The following ABCA3 variants were observed in gnomAD, a reference collection of about 807,000 sequenced individuals.
ABCA3 encodes ATP binding cassette subfamily A member 3.
Under a neutral mutation model 172.8 loss-of-function variants are expected in ABCA3, and 88 were observed. The ratio of observed to expected loss-of-function variants is 0.51; its 90% CI spans 0.43 to 0.61. ABCA3 has a LOEUF of 0.61. Ranked by LOEUF, ABCA3 falls within the 20% of genes least tolerant of loss-of-function variation. The pLI is 0.00. For missense variants in ABCA3, 2,164 were observed against 2,301.0 expected, an observed-to-expected ratio of 0.94 and a Z score of 1.22; for synonymous variants, 1,066 against 983.8, an observed-to-expected ratio of 1.08 and a Z score of -1.56.
rs1160568622 is a variant in ABCA3 at position 2,287,647 on chromosome 16, A to G, written c.3004+379T>C. Among the ~76,000 whole-genome samples the G allele has an allele frequency of 1.3e-5, 2 of 152,248 alleles. No individual in the cohort carries two copies. Among genetic ancestry groups the G allele is most frequent in the Non-Finnish European group, 2.9e-5 (2 of 68,038 alleles). The stretch of plus-strand genomic sequence containing the variant: ...ACGAAGGCACACTGTGGCCAGCATC[A>G]TCACAAAGCAAAGGTAACTTGAAGT... On this transcript the variant is annotated intron_variant, in intron 21 of 32. Coordinates refer to ENST00000301732, the MANE Select transcript of ABCA3 (RefSeq NM_001089.3). The surrounding 1 kb of genome is among the most constrained non-coding windows in gnomAD (Gnocchi z 4.1).
Position 2,295,580 on chromosome 16 carries a change from G to C in ABCA3, c.2414+10C>G. On this transcript the variant is annotated intron_variant, in intron 18 of 32. Transcript: ENST00000301732. ...TGTATACCTGTGCGTGCCCTCCCTGGGAGGCGTACCTGTGCGTGCTCTCTC... is the reference window on the plus strand; with the variant it reads ...TGTATACCTGTGCGTGCCCTCCCTGCGAGGCGTACCTGTGCGTGCTCTCTC... 6.2e-7 allele frequency: 1 copy of C among 1,611,866 alleles called. No homozygotes were observed. Among genetic ancestry groups the C allele is most frequent in the Non-Finnish European group, 8.5e-7 (1 of 1,179,994 alleles).
At chr16:2,293,799 C>T (rs1031113196) in intron 18 of ABCA3, among the ~76,000 whole-genome samples, 4 of 150,920 alleles carry the variant, frequency 2.7e-5, no homozygotes, top group African/African-American at 9.7e-5. Context: ...CTTCGGCCTC[C>T]AAGTGCTGGG....
chr16:2,323,233 G>T lies in ABCA3; in HGVS notation c.613+290C>A, dbSNP rs550080662. 2.0e-4 allele frequency: 103 copies of T among 506,104 alleles called. 1 individual carries two copies. The East Asian group carries it at 3.7e-3, about 18-fold the overall frequency. 31.4% of individuals were successfully genotyped at this position (506,104 alleles called of 1,614,324 possible). On this transcript the variant is annotated intron_variant, in intron 7 of 32. Coordinates refer to ENST00000301732, the MANE Select transcript of ABCA3 (RefSeq NM_001089.3). Reference sequence around the variant, plus strand: ...GACTGTAAACTAGTTCAACCATTGTGGAAGTCAGTGTGGCGATTCCTCAGG... The same window carrying T: ...GACTGTAAACTAGTTCAACCATTGTTGAAGTCAGTGTGGCGATTCCTCAGG...
chr16:2,339,713 T>C (rs991634240), intron 1 of ABCA3, among the ~76,000 whole-genome samples: 1 of 152,226 alleles, frequency 6.6e-6, no homozygotes, highest in African/African-American at 2.4e-5. Context: ...AATCGACGCC[T>C]TCCCGGAGTG....
chr16:2,313,422 C>G (rs943708095), intron 10 of ABCA3, among the ~76,000 whole-genome samples: 1 of 151,630 alleles, frequency 6.6e-6, no homozygotes, highest in Admixed American at 6.6e-5. Context: ...GGCATGCTGG[C>G]TTGCACCTGT....
At position 2,323,565 on chromosome 16, in the gene ABCA3, G is replaced by A. The variant is rs1383040644; in HGVS notation, c.571C>T (p.Pro191Ser). The A allele has an allele frequency of 6.2e-7, 1 of 1,614,160 alleles. No individual in the cohort carries two copies. The highest frequency in any genetic ancestry group is 1.7e-5 in the Admixed American group (1 of 60,020). ...GGGGATGTAGGTTCCCTTGGTCCTG[G>A]GTTTGGGAAAAGCGGGAAAAGGGAA... Reference protein sequence around the residue: ...TTSLFPLFPNPGPREPTSPDG... With the variant: ...TTSLFPLFPNSGPREPTSPDG... Residue 191 changes from proline to serine, a missense_variant, in exon 7 of 33, where the codon CCA becomes TCA. By Grantham distance (74) the Pro-to-Ser change is moderately conservative. This residue lies in a region of ABCA3 where 1,343 missense variants were observed against 1,369.6 expected (regional missense o/e 0.98). Transcript: ENST00000301732.
chr16:2,309,071 G>C lies in ABCA3; in HGVS notation c.1112-448C>G, dbSNP rs186736328. On this transcript the variant is annotated intron_variant, in intron 10 of 32. Coordinates refer to ENST00000301732, the MANE Select transcript of ABCA3 (RefSeq NM_001089.3). ...CGCCATTCTCCTACCTCAGCCTCCT[G>C]AGTAGCTGGGACTACAGGTGCCCGC... Among the ~76,000 whole-genome samples, 502 of 152,174 alleles carry C rather than the reference G, an allele frequency of 3.3e-3. 5 individuals carry two copies. Among genetic ancestry groups the C allele is most frequent in the Non-Finnish European group, 1.5e-3 (102 of 68,010 alleles).
Position 2,323,691 on chromosome 16 carries a change from G to A in ABCA3, c.448-3C>T. On this transcript the variant is annotated splice_region_variant and splice_polypyrimidine_tract_variant and intron_variant, in intron 6 of 32. Transcript: ENST00000301732. The stretch of plus-strand genomic sequence containing the variant: ...CTGAACCGTAGGTGATATTTCACCT[G>A]TGGAAACAAAGAGAAAACCAGCTGT... 1 of 1,614,126 alleles carries A rather than the reference G, an allele frequency of 6.2e-7. No individual in the cohort carries two copies. Among genetic ancestry groups the A allele is most frequent in the South Asian group, 1.1e-5 (1 of 91,072 alleles).
In ABCA3 at chr16:2,277,863, C is replaced by T. The variant is rs62040665; in HGVS notation, c.4909+16G>A. 9 of 1,607,558 alleles carry T rather than the reference C, an allele frequency of 5.6e-6. No individual in the cohort carries two copies. The highest frequency in any genetic ancestry group is 2.2e-5 in the South Asian group (2 of 90,890). Reference sequence around the variant, plus strand: ...CCAGGGCCCACCCAGTGGGGGCTGCCGGGGCCGGCACACACCTGGAAAGGT... The same window carrying T: ...CCAGGGCCCACCCAGTGGGGGCTGCTGGGGCCGGCACACACCTGGAAAGGT... On this transcript the variant is annotated intron_variant, in intron 31 of 32. Transcript: ENST00000301732. The surrounding 1 kb of genome is among the most constrained non-coding windows in gnomAD (Gnocchi z 5.3).
In ABCA3 at chr16:2,283,154, C is replaced by A; in HGVS notation, c.4035+32G>T. On this transcript the variant is annotated intron_variant, in intron 26 of 32. Coordinates refer to ENST00000301732, the MANE Select transcript of ABCA3 (RefSeq NM_001089.3). The surrounding 1 kb of genome is among the most constrained non-coding windows in gnomAD (Gnocchi z 5.4). ...CCAAGCAGAGACGTGGGGAGCATCT[C>A]GCCAGTGTCCTGGGCTCCCGGAGCC... The A allele has an allele frequency of 6.2e-7, 1 of 1,606,560 alleles. No individual in the cohort carries two copies. The highest frequency in any genetic ancestry group is 8.5e-7 in the Non-Finnish European group (1 of 1,176,694).
rs371848256 is a variant in ABCA3 at position 2,291,620 on chromosome 16, C to T, written c.2513+520G>A. Reference sequence around the variant, plus strand: ...ACCCCAAGGCAGTGCAGGCCCCTCACGTGTGCCGCCGTTTCCCACGCACAC... The same window carrying T: ...ACCCCAAGGCAGTGCAGGCCCCTCATGTGTGCCGCCGTTTCCCACGCACAC... On this transcript the variant is annotated intron_variant, in intron 19 of 32. Transcript: ENST00000301732. Among the ~76,000 whole-genome samples, 135 of 152,332 alleles carry T rather than the reference C, an allele frequency of 8.9e-4. 1 individual carries two copies. Among genetic ancestry groups the T allele is most frequent in the African/African-American group, 3.1e-3 (129 of 41,576 alleles).
At chr16:2,288,950 G>C (rs1040467274) in intron 20 of ABCA3, 2 of 191,574 alleles carry the variant, frequency 1.0e-5, no homozygotes, top group Non-Finnish European at 2.2e-5. Flanking sequence ...GAAACAGATG[G>C]CCGAGCCTCC....
In ABCA3 at chr16:2,297,562, G is replaced by T. The variant is rs112851043; in HGVS notation, c.2053-23C>A. 1 of 1,610,340 alleles carries T rather than the reference G, an allele frequency of 6.2e-7. No homozygotes were observed. Among genetic ancestry groups the T allele is most frequent in the South Asian group, 1.1e-5 (1 of 90,992 alleles). Reference sequence around the variant, plus strand: ...CACCTGGAGGGAGAGACACAGTCTCGCGACGCTGGTAGAGCCACACCCCGG... The same window carrying T: ...CACCTGGAGGGAGAGACACAGTCTCTCGACGCTGGTAGAGCCACACCCCGG... On this transcript the variant is annotated intron_variant, in intron 16 of 32. Transcript: ENST00000301732. The surrounding 1 kb of genome is among the most constrained non-coding windows in gnomAD (Gnocchi z 5.6).
intron 3 of ABCA3, among the ~76,000 whole-genome samples, 181 bp downstream of exon 3, chr16:2,328,272 G>A (rs1467283957): frequency 1.3e-5 from 2 of 151,964 alleles, no homozygotes; most frequent in African/African-American, 4.8e-5. Context: ...GCTCATGCTT[G>A]TAAACCCAGC....
intron 10 of ABCA3, among the ~76,000 whole-genome samples, chr16:2,309,008 C>T (rs1001744187): frequency 1.1e-4 from 17 of 152,126 alleles, no homozygotes; most frequent in African/African-American, 3.1e-4. Flanking sequence ...TGCAGTGGCA[C>T]GATCTCGGCT....
At chr16:2,298,799 C>T (rs2093684295) in intron 14 of ABCA3, among the ~76,000 whole-genome samples, 1 of 152,280 alleles carries the variant, frequency 6.6e-6, no homozygotes, top group South Asian at 2.1e-4. Context: ...CACAGAGTCA[C>T]CACAATCAGC....
intron 19 of ABCA3, among the ~76,000 whole-genome samples, chr16:2,289,961 T>TCA (rs3138606): frequency 0.19 from 26,262 of 138,026 alleles, 2,421 homozygotes; most frequent in African/African-American, 0.21. Context: ...GTGAATTACA[T>TCA]CACACACACA....
chr16:2,338,232 C>G (rs1016890131), intron 1 of ABCA3, among the ~76,000 whole-genome samples: 1 of 152,214 alleles, frequency 6.6e-6, no homozygotes, highest in Non-Finnish European at 1.5e-5. Context: ...ACCACAAACA[C>G]TCTGAGCCAT....
In ABCA3 at chr16:2,326,064, C is replaced by T. The variant is rs150902383; in HGVS notation, c.265G>A (p.Ala89Thr). ...ACTGTCTCAGTGACGGTCTTGGCAG[C>T]GTCACTGTGAGAAGGGATGTAGGCA... ...ELAYIPSHSD[A>T]AKTVTETVRR... Residue 89 changes from alanine to threonine, a missense_variant, in exon 5 of 33, where the codon GCT (alanine) becomes ACT (threonine). Coordinates refer to ENST00000301732, the MANE Select transcript of ABCA3 (RefSeq NM_001089.3). 15 of 1,613,898 alleles carry T rather than the reference C, an allele frequency of 9.3e-6. No individual in the cohort carries two copies. Among genetic ancestry groups the T allele is most frequent in the African/African-American group, 4.0e-5 (3 of 74,898 alleles).
Sources: allele counts gnomAD v4.1 joint callset (sites outside exome capture counted in the v4.1 genomes callset), GRCh38; gene constraint gnomAD v4.1.1; regional missense constraint gnomAD v4.1.1; non-coding constraint Gnocchi (gnomAD v3.1); transcripts MANE v1.5; gene names NCBI Gene and HGNC (gene_info 2026-07-23, HGNC 2026-07-21).